Variants in SSH1 observed in about 807,000 individuals in gnomAD.
SSH1 encodes protein phosphatase Slingshot homolog 1.
In SSH1, 43 loss-of-function variants were observed where a neutral mutation model predicts 79.7. The ratio of observed to expected loss-of-function variants is 0.54; its 90% CI spans 0.42 to 0.70. The LOEUF (loss-of-function observed/expected upper bound fraction) is 0.70, where lower values mean the gene tolerates loss of function less well. Among genes scored for constraint, SSH1 ranks in the 30% least tolerant of loss-of-function variants. The pLI, the probability that SSH1 is intolerant of heterozygous loss-of-function variation, is 0.00. For missense variants in SSH1, 1,206 were observed against 1,358.8 expected (o/e 0.89, Z 1.77); for synonymous variants, 599 against 538.3 (o/e 1.11, Z -1.56).
chr12:108,831,510 G>A (rs753930665), intron 2 of SSH1, among the ~76,000 whole-genome samples: 1 of 152,192 alleles, frequency 6.6e-6, no homozygotes, highest in Non-Finnish European at 1.5e-5. Context: ...CTGGTCTGGA[G>A]TGACACTGGA....
chr12:108,782,412 A>G lies in SSH1; in HGVS notation c.*5576T>C, dbSNP rs901555667. On this transcript the variant is annotated 3_prime_UTR_variant, in exon 15 of 15. Coordinates refer to ENST00000326495, the MANE Select transcript of SSH1 (RefSeq NM_018984.4). ...AAGTCCAAATCCTTTCCTGGTGGGTAACTTTTTTTTTTTGGTACACAAAGG... is the reference window on the plus strand; with the variant it reads ...AAGTCCAAATCCTTTCCTGGTGGGTGACTTTTTTTTTTTGGTACACAAAGG... The G allele has an allele frequency of 6.6e-6, 1 of 151,930 alleles. No individual in the cohort carries two copies. The highest frequency in any genetic ancestry group is 2.4e-5 in the African/African-American group (1 of 41,386). The allele number at this position is 151,930 out of a possible 1,614,324, so 9.4% of individuals were successfully genotyped here. A position where few individuals can be genotyped will look rare whatever the true frequency, so the allele number is the denominator to read the frequency against.
intron 14 of SSH1, among the ~76,000 whole-genome samples, chr12:108,791,250 C>T (rs897828643): frequency 6.6e-6 from 1 of 152,148 alleles, no homozygotes; most frequent in East Asian, 1.9e-4. Context: ...GCTGGGATTA[C>T]AGGCATGCAC....
chr12:108,833,371 G>A (rs2038520500), intron 2 of SSH1, among the ~76,000 whole-genome samples: 1 of 152,210 alleles, frequency 6.6e-6, no homozygotes, highest in South Asian at 2.1e-4. Context: ...AAATGCTATG[G>A]CAGCAAAGAC....
intron 5 of SSH1, among the ~76,000 whole-genome samples, chr12:108,814,669 A>C (rs981253195): frequency 2.0e-5 from 3 of 152,192 alleles, no homozygotes; most frequent in African/African-American, 7.2e-5. Flanking sequence ...CCAACCTCAG[A>C]GACCTGCCCT....
At position 108,788,985 on chromosome 12, in the gene SSH1, G is replaced by A. The variant is rs1012397134; in HGVS notation, c.2153C>T (p.Ala718Val). ...PTEPPPFLPPAGSRRADTSGP... is the reference protein window; with the variant it reads ...PTEPPPFLPPVGSRRADTSGP... ...ACTGGTGTCTGCCCTCCTGGAGCCTGCTGGTGGTAGGAACGGGGGAGGTTC... is the reference window on the plus strand; with the variant it reads ...ACTGGTGTCTGCCCTCCTGGAGCCTACTGGTGGTAGGAACGGGGGAGGTTC... The change falls in exon 15 of 15, where the codon GCA becomes GTA. Residue 718 changes from alanine (A) to valine (V), a missense_variant. Transcript: ENST00000326495. 11 of 1,611,028 alleles carry A rather than the reference G, an allele frequency of 6.8e-6. No homozygotes were observed. Among genetic ancestry groups the A allele is most frequent in the African/African-American group, 4.0e-5 (3 of 74,586 alleles).
intron 4 of SSH1, 196 bp from the exon 5 acceptor site, chr12:108,817,355 C>T (rs1157358732): frequency 7.6e-6 from 5 of 656,600 alleles, no homozygotes; most frequent in Admixed American, 6.8e-5. Context: ...AGGCAGATCA[C>T]TTGAGGTCAG....
rs2036232800 is a variant in SSH1 at position 108,785,032 on chromosome 12, CAAA to C, written c.*2953_*2955del. The C allele has an allele frequency of 6.6e-6, 1 of 152,182 alleles. No individual in the cohort carries two copies. Among genetic ancestry groups the C allele is most frequent in the Admixed American group, 6.5e-5 (1 of 15,270 alleles). The allele number at this position is 152,182 out of a possible 1,614,324, so 9.4% of individuals were successfully genotyped here. A position where few individuals can be genotyped will look rare whatever the true frequency, so the allele number is the denominator to read the frequency against. On this transcript the variant is annotated 3_prime_UTR_variant, in exon 15 of 15. Transcript: ENST00000326495. ...CCAAGCTATGGCATATGTTACAGTG[CAAA>C]CTTCCTTTTCACAGACAGCATGAAT... is the stretch of plus-strand genomic sequence containing the variant.
chr12:108,800,614 C>T (rs1321659943), intron 12 of SSH1, among the ~76,000 whole-genome samples, 166 bp downstream of exon 12: 1 of 150,032 alleles, frequency 6.7e-6, no homozygotes, highest in Non-Finnish European at 1.5e-5. Context: ...AAGCAAAGGT[C>T]CATCCCACAT....
At position 108,805,036 on chromosome 12, in the gene SSH1, G is replaced by A; in HGVS notation, c.954+20C>T. 6.2e-7 allele frequency: 1 copy of A among 1,613,788 alleles called. No individual in the cohort carries two copies. Among genetic ancestry groups the A allele is most frequent in the Non-Finnish European group, 8.5e-7 (1 of 1,179,752 alleles). ...ATTTATGTCCCCCAAACCAGATACTGCCAGGGCCATGCCTCTTACGAGATA... is the reference window on the plus strand; with the variant it reads ...ATTTATGTCCCCCAAACCAGATACTACCAGGGCCATGCCTCTTACGAGATA... On this transcript the variant is annotated intron_variant, in intron 10 of 14. Coordinates refer to ENST00000326495, the MANE Select transcript of SSH1 (RefSeq NM_018984.4).
chr12:108,817,802 A>C (rs1045519420), intron 4 of SSH1, among the ~76,000 whole-genome samples: 6 of 152,180 alleles, frequency 3.9e-5, no homozygotes, highest in Non-Finnish European at 7.3e-5. Flanking sequence ...TGAGGAGTCA[A>C]CCTGGCTTTG....
intron 10 of SSH1, among the ~76,000 whole-genome samples, chr12:108,804,170 C>G (rs2137055892): frequency 6.6e-6 from 1 of 152,374 alleles, no homozygotes; most frequent in Admixed American, 6.5e-5. Context: ...TATCCTCCCC[C>G]TCAGCCTCCT....
rs547901688 is a variant in SSH1, at chr12:108,799,158, C to G, written c.1191G>C (p.Val397=). ...CTATGACTGTGGAGGCCGAGCGACTCACGCCCATTTTGCAATGCACCAGGC... is the reference window on the plus strand; with the variant it reads ...CTATGACTGTGGAGGCCGAGCGACTGACGCCCATTTTGCAATGCACCAGGC... ...SKCLVHCKMG[V]SRSASTVIAY... Residue 397 remains valine (V), a synonymous_variant, in exon 13 of 15, where the codon GTG becomes GTC. Coordinates refer to ENST00000326495, the MANE Select transcript of SSH1 (RefSeq NM_018984.4). 2.5e-6 allele frequency: 4 copies of G among 1,614,162 alleles called. No individual in the cohort carries two copies. In the African/African-American group the frequency reaches 5.3e-5, roughly 22 times the overall value.
chr12:108,839,818 G>A (rs1039989390), intron 2 of SSH1, among the ~76,000 whole-genome samples: 4 of 152,176 alleles, frequency 2.6e-5, no homozygotes, highest in African/African-American at 9.7e-5. Flanking sequence ...GTGTCACTTG[G>A]TTAACATTGG....
intron 2 of SSH1, among the ~76,000 whole-genome samples, chr12:108,832,860 T>C (rs1054065704): frequency 2.0e-5 from 3 of 152,118 alleles, no homozygotes; most frequent in Non-Finnish European, 2.9e-5. Flanking sequence ...AGCTCCCAAA[T>C]TGTACCCCCC....
At chr12:108,795,429 A>AT (rs1245956435) in intron 13 of SSH1, among the ~76,000 whole-genome samples, 1 of 151,580 alleles carries the variant, frequency 6.6e-6, no homozygotes, top group Admixed American at 6.6e-5. Flanking sequence ...TTTTTTGTAT[A>AT]TTTTTAGAAG....
intron 7 of SSH1, among the ~76,000 whole-genome samples, chr12:108,808,821 CTTTTT>C (rs148110288): frequency 3.7e-5 from 3 of 80,276 alleles, no homozygotes; most frequent in African/African-American, 1.4e-4. Context: ...TCTTTTACTT[CTTTTT>C]TTTTTTTTTT....
At position 108,792,579 on chromosome 12, in the gene SSH1, C is replaced by T; in HGVS notation, c.1600G>A (p.Asp534Asn). The change falls in exon 14 of 15, where the codon GAT becomes AAT. Residue 534 changes from aspartate (D) to asparagine (N), a missense_variant. Around this residue, in one of 5 missense-constraint regions of SSH1, gnomAD observed 709 missense variants for 730.6 expected, o/e 0.97. Coordinates refer to ENST00000326495, the MANE Select transcript of SSH1 (RefSeq NM_018984.4). Reference protein sequence around the residue: ...DETGSLVHLEDPEREALLEEA... With the variant: ...DETGSLVHLENPEREALLEEA... ...TCCAACAGAGCCTCCCTCTCCGGAT[C>T]CTCCAGGTGGACCAAGCTGCCAGTT... 6.2e-7 allele frequency: 1 copy of T among 1,613,286 alleles called. No homozygotes were observed. Among genetic ancestry groups the T allele is most frequent in the Non-Finnish European group, 8.5e-7 (1 of 1,179,474 alleles).
intron 1 of SSH1, among the ~76,000 whole-genome samples, chr12:108,856,081 C>T (rs932853653): frequency 6.6e-6 from 1 of 152,210 alleles, no homozygotes; most frequent in Non-Finnish European, 1.5e-5. Context: ...CTGAAGAGCC[C>T]AGATGCTGGC....
At chr12:108,819,745 C>T (rs181272595) in intron 3 of SSH1, among the ~76,000 whole-genome samples, 1 of 152,230 alleles carries the variant, frequency 6.6e-6, no homozygotes, top group Admixed American at 6.5e-5. Context: ...AGGAGGATCG[C>T]TGGAGCCCAG....
Sources: allele counts gnomAD v4.1 joint callset (sites outside exome capture counted in the v4.1 genomes callset), GRCh38; gene constraint gnomAD v4.1.1; regional missense constraint gnomAD v4.1.1; transcripts MANE v1.5; gene names NCBI Gene and HGNC (gene_info 2026-07-23, HGNC 2026-07-21).